The following C8orf89 variants were observed in gnomAD, a reference collection of about 807,000 sequenced individuals.
C8orf89 encodes the protein chromosome 8 open reading frame 89.
A neutral mutation model predicts 15.8 loss-of-function variants in C8orf89; 14 were observed. The ratio of observed to expected loss-of-function variants is 0.89; its 90% CI spans 0.59 to 1.39. The LOEUF is 1.39. Ranked by LOEUF, C8orf89 falls within the 40% of genes most tolerant of loss-of-function variation. The pLI, the probability that C8orf89 is intolerant of heterozygous loss-of-function variation, is 0.00. For missense variants in C8orf89, 181 were observed against 184.5 expected (o/e 0.98, Z 0.11); for synonymous variants, 55 against 62.2 (o/e 0.88, Z 0.54).
chr8:73,278,202 A>C, the C8orf89 span, among the ~76,000 whole-genome samples: 1 of 152,184 alleles, frequency 6.6e-6, no homozygotes, highest in Non-Finnish European at 1.5e-5. Flanking sequence ...CTCATTTCTA[A>C]AACAATGATT....
chr8:73,251,305 A>C (rs1813240740), intron 2 of C8orf89, among the ~76,000 whole-genome samples: 1 of 152,200 alleles, frequency 6.6e-6, no homozygotes, highest in African/African-American at 2.4e-5. Context: ...GTTGTACATA[A>C]AACGAACAAA....
At chr8:73,282,741 T>A in the C8orf89 span, among the ~76,000 whole-genome samples, 1 of 152,148 alleles carries the variant, frequency 6.6e-6, no homozygotes, top group Admixed American at 6.5e-5. Context: ...AAAAGAGAAA[T>A]TACAAGGCAA....
At chr8:73,254,077 G>C (rs1201400827) in intron 2 of C8orf89, among the ~76,000 whole-genome samples, 1 of 152,126 alleles carries the variant, frequency 6.6e-6, no homozygotes, top group African/African-American at 2.4e-5. Flanking sequence ...GTTTGTCATA[G>C]ATAGCTCTTA....
the C8orf89 span, among the ~76,000 whole-genome samples, chr8:73,282,142 CTTAAATATA>C: frequency 6.6e-6 from 1 of 152,216 alleles, no homozygotes; most frequent in Non-Finnish European, 1.5e-5. Flanking sequence ...TAGTAACTCA[CTTAAATATA>C]TTCATTAAGC....
intron 2 of C8orf89, among the ~76,000 whole-genome samples, chr8:73,254,305 C>G (rs1813316783): frequency 6.6e-6 from 1 of 151,922 alleles, no homozygotes; most frequent in African/African-American, 2.4e-5. Flanking sequence ...GGTGGATAAG[C>G]TTTTTGATGT....
chr8:73,279,294 T>C, the C8orf89 span, among the ~76,000 whole-genome samples: 3 of 152,196 alleles, frequency 2.0e-5, no homozygotes, highest in East Asian at 1.9e-4. Context: ...AACTTTGCTA[T>C]GCAGAGAGGT....
At chr8:73,273,814 A>G in the C8orf89 span, among the ~76,000 whole-genome samples, 1 of 150,974 alleles carries the variant, frequency 6.6e-6, no homozygotes, top group East Asian at 1.9e-4. Flanking sequence ...GATACATAAG[A>G]TGGTCTTCTT....
chr8:73,258,953 A>G lies in C8orf89; in HGVS notation c.127+379T>C, dbSNP rs146829188. ...CTTTGGTTAGAATTATTAATACATA[A>G]CAGCACTGTTAAAGATTTGGATGTC... On this transcript the variant is annotated intron_variant, in intron 1 of 3. Transcript: ENST00000624510. Among the ~76,000 whole-genome samples the G allele has an allele frequency of 7.0e-3, 1,067 of 152,294 alleles. 14 individuals are homozygous for G. The highest frequency in any genetic ancestry group is 0.024 in the African/African-American group (1,008 of 41,550).
chr8:73,266,176 A>G, the C8orf89 span, among the ~76,000 whole-genome samples: 1 of 152,244 alleles, frequency 6.6e-6, no homozygotes, highest in Admixed American at 6.5e-5. Context: ...CAGAAAAGAA[A>G]TTGATAAAGA....
At chr8:73,277,481 T>C in the C8orf89 span, 1 of 907,774 alleles carries the variant, frequency 1.1e-6, no homozygotes, top group East Asian at 2.4e-5. Flanking sequence ...ATCCCCTGGT[T>C]TCCTGATGCC....
chr8:73,280,720 CATAT>C, the C8orf89 span, among the ~76,000 whole-genome samples: 1 of 149,160 alleles, frequency 6.7e-6, no homozygotes, highest in Non-Finnish European at 1.5e-5. Context: ...TATATATACA[CATAT>C]ATATACACAT....
At chr8:73,274,210 G>A in the C8orf89 span, among the ~76,000 whole-genome samples, 62 of 152,088 alleles carry the variant, frequency 4.1e-4, no homozygotes, top group African/African-American at 1.4e-3. Context: ...CTGGAGTGCA[G>A]TGGCGCGATC....
chr8:73,256,129 C>A (rs955142480), intron 2 of C8orf89, among the ~76,000 whole-genome samples: 1 of 136,816 alleles, frequency 7.3e-6, no homozygotes, highest in Non-Finnish European at 1.5e-5. Flanking sequence ...AAATAAATAA[C>A]AAATAATAAT....
At chr8:73,246,127 T>C (rs1281952949) in intron 3 of C8orf89, among the ~76,000 whole-genome samples, 1 of 152,198 alleles carries the variant, frequency 6.6e-6, no homozygotes, top group Admixed American at 6.5e-5. Flanking sequence ...ATAAATCATT[T>C]CTAAATTGGG....
At chr8:73,266,541 C>G in the C8orf89 span, among the ~76,000 whole-genome samples, 1 of 152,218 alleles carries the variant, frequency 6.6e-6, no homozygotes, top group Non-Finnish European at 1.5e-5. Flanking sequence ...CCTGAACGTA[C>G]AGGATCTACC....
At chr8:73,254,402 G>A (rs900427966) in intron 2 of C8orf89, among the ~76,000 whole-genome samples, 2 of 151,860 alleles carry the variant, frequency 1.3e-5, no homozygotes, top group African/African-American at 4.8e-5. Flanking sequence ...CTCTTTTTTG[G>A]TTGTGTCTCT....
intron 2 of C8orf89, among the ~76,000 whole-genome samples, chr8:73,251,750 T>C (rs1362538512): frequency 6.6e-6 from 1 of 152,260 alleles, no homozygotes; most frequent in South Asian, 2.1e-4. Flanking sequence ...GGCTAATTCA[T>C]GGGTATTTTC....
At chr8:73,255,480 A>G (rs1015618692) in intron 2 of C8orf89, among the ~76,000 whole-genome samples, 2 of 152,198 alleles carry the variant, frequency 1.3e-5, no homozygotes, top group African/African-American at 4.8e-5. Flanking sequence ...CAGGTGCTAG[A>G]GAGGATGTGG....
the C8orf89 span, among the ~76,000 whole-genome samples, chr8:73,273,720 T>C: frequency 6.6e-6 from 1 of 151,080 alleles, no homozygotes; most frequent in Admixed American, 6.6e-5. Flanking sequence ...GAGTGAGAAC[T>C]TGTGGTGCTT....
Sources: allele counts gnomAD v4.1 joint callset (sites outside exome capture counted in the v4.1 genomes callset), GRCh38; gene constraint gnomAD v4.1.1; transcripts MANE v1.5; gene names NCBI Gene and HGNC (gene_info 2026-07-23, HGNC 2026-07-21).